STAU2: variants seen among roughly 807,000 people sequenced by gnomAD.
STAU2 encodes staufen double-stranded RNA binding protein 2, also known as double-stranded RNA-binding protein Staufen homolog 2.
Under a neutral mutation model 65.9 loss-of-function variants are expected in STAU2, and 20 were observed. The observed-to-expected ratio is 0.30, with a 90% CI of 0.21 to 0.44. STAU2 has a LOEUF of 0.44. Among genes scored for constraint, STAU2 ranks in the 20% least tolerant of loss-of-function variants. The probability of loss-of-function intolerance (pLI) is 1.00; values close to 1 mark genes in which losing one functional copy is unlikely to be tolerated. For missense variants in STAU2, 558 were observed against 683.9 expected, an observed-to-expected ratio of 0.82 and a Z score of 2.05; for synonymous variants, 232 against 233.9, an observed-to-expected ratio of 0.99 and a Z score of 0.07.
chr8:73,574,745 T>C (rs923518899), intron 12 of STAU2, among the ~76,000 whole-genome samples: 4 of 152,080 alleles, frequency 2.6e-5, no homozygotes, highest in South Asian at 2.1e-4. Context: ...CATCACACAC[T>C]GGGGCCTGTC....
In STAU2 at chr8:73,514,727, C is replaced by T. The variant is rs115554176; in HGVS notation, c.1530+37285G>A. Among the ~76,000 whole-genome samples the T allele has an allele frequency of 3.0e-3, 459 of 152,280 alleles. 3 individuals carry two copies. Among genetic ancestry groups the T allele is most frequent in the African/African-American group, 0.011 (437 of 41,562 alleles). On this transcript the variant is annotated intron_variant, in intron 13 of 14. Coordinates refer to ENST00000524300, the MANE Select transcript of STAU2 (RefSeq NM_001164380.2). Reference sequence around the variant, plus strand: ...AAAACATTTCTGGCACAAAATCTTACTGGTTTGCAATTGGTCTTCAATTGT... The same window carrying T: ...AAAACATTTCTGGCACAAAATCTTATTGGTTTGCAATTGGTCTTCAATTGT...
chr8:73,448,899 G>T (rs1039618558), intron 13 of STAU2, among the ~76,000 whole-genome samples: 1 of 152,256 alleles, frequency 6.6e-6, no homozygotes, highest in Non-Finnish European at 1.5e-5. Flanking sequence ...CTCAGCGCGG[G>T]AATATTCCCA....
chr8:73,444,407 CA>C (rs55722523), intron 13 of STAU2, among the ~76,000 whole-genome samples: 82,793 of 128,320 alleles, frequency 0.65, 26,001 homozygotes, highest in East Asian at 0.91. Context: ...AAAACTCCAT[CA>C]AAAAAAAAAA....
At chr8:73,680,086 C>T (rs577780331) in intron 5 of STAU2, among the ~76,000 whole-genome samples, 1 of 118,402 alleles carries the variant, frequency 8.4e-6, no homozygotes, top group Admixed American at 1.2e-4. Flanking sequence ...TCTAGCTGAA[C>T]GCTGTCATAA....
intron 6 of STAU2, among the ~76,000 whole-genome samples, chr8:73,619,452 C>T (rs1813069092): frequency 6.6e-6 from 1 of 152,130 alleles, no homozygotes; most frequent in Admixed American, 6.6e-5. Flanking sequence ...AATTGAGGTC[C>T]TACTATATTT....
At chr8:73,600,310 A>T (rs1811542433) in intron 10 of STAU2, among the ~76,000 whole-genome samples, 1 of 152,192 alleles carries the variant, frequency 6.6e-6, no homozygotes, top group Admixed American at 6.5e-5. Context: ...CAAATTGCAT[A>T]GTTTAAACCT....
At chr8:73,729,626 T>C (rs1024316113) in intron 3 of STAU2, among the ~76,000 whole-genome samples, 2 of 152,092 alleles carry the variant, frequency 1.3e-5, no homozygotes, top group African/African-American at 2.4e-5. Context: ...ATCACCCAGG[T>C]TGGAGTGCAA....
chr8:73,624,653 C>T (rs1813505166), intron 6 of STAU2, among the ~76,000 whole-genome samples: 1 of 152,194 alleles, frequency 6.6e-6, no homozygotes, highest in Admixed American at 6.5e-5. Context: ...GGCAGTCTCA[C>T]TCCAGAACCC....
intron 13 of STAU2, among the ~76,000 whole-genome samples, chr8:73,437,822 G>A (rs530337178): frequency 1.3e-5 from 2 of 152,254 alleles, no homozygotes; most frequent in African/African-American, 4.8e-5. Flanking sequence ...CAGGCAAGAA[G>A]AGAAGAGCTC....
chr8:73,697,722 C>A (rs1819781781), intron 4 of STAU2, among the ~76,000 whole-genome samples: 1 of 152,130 alleles, frequency 6.6e-6, no homozygotes, highest in African/African-American at 2.4e-5. Flanking sequence ...AATTAACTTT[C>A]TTTTTGCAAG....
rs374117146 is a variant in STAU2 at position 73,481,267 on chromosome 8, T to G, written c.1531-58565A>C. On this transcript the variant is annotated intron_variant, in intron 13 of 14. Coordinates refer to ENST00000524300, the MANE Select transcript of STAU2 (RefSeq NM_001164380.2). ...CCTAGAAAACACTTGGGGTTTTAGTTTTGGAACCCTGCACAGCCAGCGCAA... is the reference window on the plus strand; with the variant it reads ...CCTAGAAAACACTTGGGGTTTTAGTGTTGGAACCCTGCACAGCCAGCGCAA... 7.4e-4 allele frequency among the ~76,000 whole-genome samples: 113 copies of G among 152,096 alleles called. 1 individual carries two copies. In the South Asian group the frequency reaches 0.022, roughly 30 times the overall value.
At chr8:73,471,913 T>C (rs1256200237) in intron 13 of STAU2, among the ~76,000 whole-genome samples, 1 of 150,980 alleles carries the variant, frequency 6.6e-6, no homozygotes, top group Admixed American at 6.6e-5. Context: ...TCTCTTGTAA[T>C]ACTTGCATTT....
intron 1 of STAU2, among the ~76,000 whole-genome samples, chr8:73,744,838 G>A (rs930385825): frequency 3.3e-5 from 5 of 152,112 alleles, no homozygotes; most frequent in African/African-American, 4.8e-5. Flanking sequence ...TCTGAATAAA[G>A]GTTACAAAGA....
chr8:73,617,996 GA>G (rs1268801649), intron 6 of STAU2, among the ~76,000 whole-genome samples: 5 of 152,186 alleles, frequency 3.3e-5, no homozygotes, highest in Admixed American at 3.3e-4. Context: ...CTGAGGTAAT[GA>G]GGCTAATGAG....
intron 13 of STAU2, among the ~76,000 whole-genome samples, chr8:73,507,733 T>C (rs1238909936): frequency 2.0e-5 from 3 of 152,234 alleles, no homozygotes; most frequent in Non-Finnish European, 2.9e-5. Flanking sequence ...CTTCTTCCAA[T>C]AGAAGGCTGT....
intron 13 of STAU2, among the ~76,000 whole-genome samples, chr8:73,494,842 TTTG>T (rs1418029031): frequency 2.0e-5 from 3 of 151,324 alleles, no homozygotes; most frequent in Admixed American, 1.3e-4. Context: ...TAACGGAAGT[TTTG>T]TTAACAAATA....
At position 73,688,502 on chromosome 8, in the gene STAU2, GT is replaced by G; in HGVS notation, c.274+151del. On this transcript the variant is annotated intron_variant, in intron 5 of 14. Transcript: ENST00000524300. ...TTTTTATGCTACCGTGTGTGTGTGT[GT>G]GTGTGTGTGTGTGTGTGTGTGTGTG... The G allele has an allele frequency of 2.0e-5, 9 of 442,922 alleles. 1 individual carries two copies. The highest frequency in any genetic ancestry group is 6.2e-5 in the South Asian group (2 of 32,502). The allele number at this position is 442,922 out of a possible 1,614,324, so 27.4% of individuals were successfully genotyped here. A position where few individuals can be genotyped will look rare whatever the true frequency, so the allele number is the denominator to read the frequency against.
upstream of STAU2, chr8:73,747,391 C>T (rs753930773): frequency 2.9e-5 from 44 of 1,535,330 alleles, 1 homozygote; most frequent in Non-Finnish European, 3.5e-5. Context: ...TCGTACCTTT[C>T]CCAGGCTCTC....
chr8:73,552,875 A>C lies in STAU2; in HGVS notation c.1223-556T>G, dbSNP rs1807438849. Among the ~76,000 whole-genome samples, 3 of 152,182 alleles carry C rather than the reference A, an allele frequency of 2.0e-5. No homozygotes were observed. In the South Asian group the frequency reaches 6.2e-4, roughly 32 times the overall value. On this transcript the variant is annotated intron_variant, in intron 12 of 14. Transcript: ENST00000524300. ...AAAAAAGCAAATGGGTATCATCTCA[A>C]AACTAGCACTGTCTCTAACTTGCTT... is the stretch of plus-strand genomic sequence containing the variant.
Sources: gnomAD v4.1 joint callset for allele counts (sites outside exome capture counted in the v4.1 genomes callset) on GRCh38, gnomAD v4.1.1 for gene constraint, MANE v1.5 for transcripts, NCBI Gene and HGNC (gene_info 2026-07-23, HGNC 2026-07-21) for gene names.